ATP8B4: variants seen among roughly 807,000 people sequenced by gnomAD.
ATP8B4 encodes probable phospholipid-transporting ATPase IM.
Under a neutral mutation model 145.6 loss-of-function variants are expected in ATP8B4, and 133 were observed. The observed-to-expected ratio is 0.91, with a 90% CI of 0.79 to 1.05. ATP8B4 has a LOEUF of 1.05. Ranked by LOEUF, ATP8B4 falls within the 50% of genes least tolerant of loss-of-function variation. The pLI, the probability that ATP8B4 is intolerant of heterozygous loss-of-function variation, is 0.00. For missense variants in ATP8B4, 1,458 were observed against 1,425.2 expected (o/e 1.02, Z -0.37); for synonymous variants, 507 against 492.9 (o/e 1.03, Z -0.38).
rs989056033 is a variant in ATP8B4 at position 50,013,948 on chromosome 15, T to C, written c.363-3031A>G. The stretch of plus-strand genomic sequence containing the variant: ...GAGAGTGAGGTAGCACCTATCATGC[T>C]CCACGTCACTAGACTATTGCTTTCA... On this transcript the variant is annotated intron_variant, in intron 6 of 27. Transcript: ENST00000284509. Among the ~76,000 whole-genome samples the C allele has an allele frequency of 2.0e-5, 3 of 152,300 alleles. No individual in the cohort carries two copies. The East Asian group carries it at 5.8e-4, about 29-fold the overall frequency.
At chr15:49,949,115 T>C (rs1159693796) in intron 14 of ATP8B4, among the ~76,000 whole-genome samples, 1 of 152,222 alleles carries the variant, frequency 6.6e-6, no homozygotes, top group African/African-American at 2.4e-5. Context: ...GCCTCCAGCC[T>C]TGTTATTTTT....
intron 13 of ATP8B4, among the ~76,000 whole-genome samples, chr15:49,971,096 C>A (rs939255497): frequency 6.6e-6 from 1 of 152,108 alleles, no homozygotes; most frequent in Non-Finnish European, 1.5e-5. Flanking sequence ...GGACCCCTTC[C>A]TTACACCTTA....
chr15:50,041,085 A>G (rs2051245909), intron 5 of ATP8B4, among the ~76,000 whole-genome samples: 1 of 152,226 alleles, frequency 6.6e-6, no homozygotes, highest in Non-Finnish European at 1.5e-5. Context: ...CTCCAAAGCC[A>G]ATATTCTTTC....
intron 1 of ATP8B4, among the ~76,000 whole-genome samples, chr15:50,150,078 G>A (rs960063149): frequency 2.0e-5 from 3 of 151,828 alleles, no homozygotes; most frequent in Admixed American, 2.0e-4. Context: ...TCCAGTCTGG[G>A]TGACAGAGCA....
intron 9 of ATP8B4, among the ~76,000 whole-genome samples, chr15:49,994,597 G>A (rs546056975): frequency 7.0e-4 from 106 of 152,002 alleles, no homozygotes; most frequent in Non-Finnish European, 1.2e-3. Context: ...GAATTATCCA[G>A]TATGCCAGAC....
chr15:50,027,525 A>G (rs2050103558), intron 6 of ATP8B4, among the ~76,000 whole-genome samples: 1 of 152,178 alleles, frequency 6.6e-6, no homozygotes, highest in Non-Finnish European at 1.5e-5. Context: ...TCTGAATGAA[A>G]TTCGTCCCGT....
intron 23 of ATP8B4, among the ~76,000 whole-genome samples, chr15:49,886,182 C>T (rs74711399): frequency 0.021 from 3,179 of 152,298 alleles, 52 homozygotes; most frequent in Non-Finnish European, 0.035. Context: ...AAACTCAGAA[C>T]CTGCTCAATA....
intron 5 of ATP8B4, among the ~76,000 whole-genome samples, chr15:50,040,099 G>C (rs1770564809): frequency 6.6e-6 from 1 of 152,202 alleles, no homozygotes; most frequent in Admixed American, 6.5e-5. Flanking sequence ...TATCTACACA[G>C]CATTCGTCTC....
At chr15:49,968,575 T>G (rs887390099) in intron 13 of ATP8B4, among the ~76,000 whole-genome samples, 2 of 152,198 alleles carry the variant, frequency 1.3e-5, no homozygotes, top group African/African-American at 4.8e-5. Context: ...AAGAGTTAAC[T>G]ATCCTAAATA....
intron 6 of ATP8B4, among the ~76,000 whole-genome samples, chr15:50,019,980 T>G (rs869035037): frequency 6.7e-6 from 1 of 148,564 alleles, no homozygotes; most frequent in African/African-American, 2.5e-5. Flanking sequence ...TTTTTTTTTT[T>G]GAAACAGGGT....
In ATP8B4 at chr15:49,861,469, T is replaced by TAC. The variant is rs1566884587; in HGVS notation, c.3297+775_3297+776insGT. Among the ~76,000 whole-genome samples, 966 of 143,080 alleles carry TAC rather than the reference T, an allele frequency of 6.8e-3. 14 individuals are homozygous for TAC. The highest frequency in any genetic ancestry group is 0.024 in the African/African-American group (909 of 38,402). 93.9% of individuals were successfully genotyped at this position (143,080 alleles called of 152,430 possible). On this transcript the variant is annotated intron_variant, in intron 27 of 27. Coordinates refer to ENST00000284509, the MANE Select transcript of ATP8B4 (RefSeq NM_024837.4). Reference sequence around the variant, plus strand: ...GTCTGTCTGTCTATCTATCTATCTATCTATCTACCTACCTACCTACCTACC... The same window carrying TAC: ...GTCTGTCTGTCTATCTATCTATCTATACCTATCTACCTACCTACCTACCTACC...
intron 23 of ATP8B4, among the ~76,000 whole-genome samples, chr15:49,885,225 C>G (rs2036041673): frequency 6.6e-6 from 1 of 152,184 alleles, no homozygotes; most frequent in African/African-American, 2.4e-5. Flanking sequence ...ATTCCTGCCT[C>G]AGGACATTTG....
intron 17 of ATP8B4, 135 bp from the exon 18 acceptor site, chr15:49,920,545 T>C (rs1420566213): frequency 1.0e-5 from 10 of 991,656 alleles, no homozygotes; most frequent in Non-Finnish European, 1.4e-5. Flanking sequence ...CTATCCTTAC[T>C]CTCAACTTTT....
chr15:49,876,292 C>T lies in ATP8B4; in HGVS notation c.3013G>A (p.Val1005Met). 2 of 1,614,062 alleles carry T rather than the reference C, an allele frequency of 1.2e-6. No homozygotes were observed. Among genetic ancestry groups the T allele is most frequent in the Middle Eastern group, 1.7e-4 (1 of 6,058 alleles). ...GACAGCGTTACCTGCACACTGACCA[C>T]AATGACCAAAGATGTGGCCATGGTA... The part of the protein sequence containing the change: ...AVTMATSLVI[V>M]VSVQIALDTS... Residue 1005 changes from valine (V) to methionine (M), a missense_variant, in exon 25 of 28, where the codon GTG becomes ATG. Val to Met is a conservative substitution (Grantham distance 21). Coordinates refer to ENST00000284509, the MANE Select transcript of ATP8B4 (RefSeq NM_024837.4).
chr15:50,129,359 T>C (rs1441000093), intron 1 of ATP8B4, among the ~76,000 whole-genome samples: 3 of 152,192 alleles, frequency 2.0e-5, no homozygotes, highest in Non-Finnish European at 2.9e-5. Flanking sequence ...GCTGGTTTCT[T>C]ATGGAGGTTC....
At chr15:50,055,365 T>C (rs1041034765) in intron 3 of ATP8B4, among the ~76,000 whole-genome samples, 1 of 152,226 alleles carries the variant, frequency 6.6e-6, no homozygotes, top group Non-Finnish European at 1.5e-5. Flanking sequence ...TCATAATATA[T>C]GCAAGATCAG....
intron 1 of ATP8B4, among the ~76,000 whole-genome samples, chr15:50,126,176 G>C (rs554183165): frequency 6.7e-6 from 1 of 149,954 alleles, no homozygotes; most frequent in Non-Finnish European, 1.5e-5. Context: ...AAGTGAAGCT[G>C]AGTCCTGAAA....
At chr15:49,923,295 T>C (rs1023637248) in intron 17 of ATP8B4, 84 bp downstream of exon 17, 6 of 913,878 alleles carry the variant, frequency 6.6e-6, no homozygotes, top group Non-Finnish European at 8.6e-6. Flanking sequence ...TCAAATCATC[T>C]AGCTGCTATT....
chr15:50,021,614 A>T (rs2049579995), intron 6 of ATP8B4, among the ~76,000 whole-genome samples: 1 of 152,170 alleles, frequency 6.6e-6, no homozygotes, highest in Non-Finnish European at 1.5e-5. Context: ...CCGTCTTTAA[A>T]ATCATCTCCC....
Sources: gnomAD v4.1 joint callset for allele counts (sites outside exome capture counted in the v4.1 genomes callset) on GRCh38, gnomAD v4.1.1 for gene constraint, MANE v1.5 for transcripts, NCBI Gene and HGNC (gene_info 2026-07-23, HGNC 2026-07-21) for gene names.